Variants in MR1 observed in about 807,000 individuals in gnomAD.
MR1 encodes major histocompatibility complex class I-related protein 1.
A neutral mutation model predicts 37.8 loss-of-function variants in MR1; 44 were observed. The ratio of observed to expected loss-of-function variants is 1.16; its 90% CI spans 0.91 to 1.50. MR1 has a LOEUF of 1.50. MR1 is among the 40% of genes most tolerant of loss of function. The probability of loss-of-function intolerance (pLI) is 0.00; values close to 1 mark genes in which losing one functional copy is unlikely to be tolerated. For missense variants in MR1, 386 were observed against 419.1 expected (o/e 0.92, Z 0.69); for synonymous variants, 153 against 155.8 (o/e 0.98, Z 0.13).
At chr1:181,043,693 CCT>C (rs1657692557) in intron 1 of MR1, among the ~76,000 whole-genome samples, 1 of 152,064 alleles carries the variant, frequency 6.6e-6, no homozygotes, top group Non-Finnish European at 1.5e-5. Flanking sequence ...AGAGTAAAAC[CCT>C]GTCATACACA....
At chr1:181,036,833 C>T (rs1355308450) in intron 1 of MR1, among the ~76,000 whole-genome samples, 1 of 152,160 alleles carries the variant, frequency 6.6e-6, no homozygotes, top group Non-Finnish European at 1.5e-5. Context: ...AATTTATGTT[C>T]GGAGGTAATG....
chr1:181,050,325 A>G (rs202025347), intron 3 of MR1, 39 bp downstream of exon 3: 8 of 1,612,490 alleles, frequency 5.0e-6, no homozygotes, highest in Non-Finnish European at 5.9e-6. Flanking sequence ...ACATTGCCTG[A>G]ACAACTGTTT....
At chr1:181,054,175 G>A (rs1000140141) in intron 5 of MR1, among the ~76,000 whole-genome samples, 3 of 152,200 alleles carry the variant, frequency 2.0e-5, no homozygotes, top group Non-Finnish European at 4.4e-5. Flanking sequence ...GGGACTTAGA[G>A]TAAGGAAAAG....
At chr1:181,036,898 TAAC>T (rs1324901827) in intron 1 of MR1, 1 of 152,198 alleles carries the variant, frequency 6.6e-6, no homozygotes, top group Non-Finnish European at 1.5e-5. Context: ...CGGGCAGTAA[TAAC>T]GACTGCAAAT....
intron 1 of MR1, among the ~76,000 whole-genome samples, chr1:181,046,023 A>C (rs1463171265): frequency 6.6e-6 from 1 of 152,200 alleles, no homozygotes; most frequent in African/African-American, 2.4e-5. Context: ...CCAGCCCACC[A>C]GCGCTGCAGC....
chr1:181,055,093 TA>T, intron 5 of MR1, 131 bp from the exon 6 acceptor site: 1 of 780,086 alleles, frequency 1.3e-6, no homozygotes, highest in South Asian at 1.6e-5. Flanking sequence ...TGTCAAGTAC[TA>T]AGAGAATCTT....
rs149433107 is a variant in MR1 at position 181,052,237 on chromosome 1, C to T, written c.607C>T (p.Pro203Ser). 4,480 of 1,613,020 alleles carry T rather than the reference C, an allele frequency of 2.8e-3. 11 individuals carry two copies. Among genetic ancestry groups the T allele is most frequent in the Non-Finnish European group, 3.5e-3 (4,069 of 1,179,206 alleles). ...TAACTTTAGCTTCTTCTTCCTAGAG[C>T]CCCCACTGGTCAGAGTAAATCGCAA... ...YGKDTLQRTEPPLVRVNRKET... is the reference protein window; with the variant it reads ...YGKDTLQRTESPLVRVNRKET... The change falls in exon 4 of 6, where the codon CCC becomes TCC. Residue 203 changes from proline (P) to serine (S), a missense_variant and splice_region_variant. Physicochemically the swap from Pro to Ser is moderately conservative, Grantham distance 74. Transcript: ENST00000367580.
Position 181,060,315 on chromosome 1 carries a change from A to G in MR1, c.*5050A>G, listed in dbSNP as rs1376249145. The G allele has an allele frequency of 1.3e-5, 2 of 152,092 alleles. No homozygotes were observed. Among genetic ancestry groups the G allele is most frequent in the Non-Finnish European group, 2.9e-5 (2 of 68,006 alleles). The allele number at this position is 152,092 out of a possible 1,614,324, so 9.4% of individuals were successfully genotyped here. A position where few individuals can be genotyped will look rare whatever the true frequency, so the allele number is the denominator to read the frequency against. ...ACCTTCCCAAATTACATCTGCAACA[A>G]CCCTATTTCCAAAGAAGGCCACATT... On this transcript the variant is annotated 3_prime_UTR_variant, in exon 6 of 6. Transcript: ENST00000367580.
intron 5 of MR1, among the ~76,000 whole-genome samples, chr1:181,054,285 T>C (rs1275902989): frequency 6.6e-6 from 1 of 152,178 alleles, no homozygotes; most frequent in Non-Finnish European, 1.5e-5. Flanking sequence ...CCAGGCACTG[T>C]ACTGGTTGCT....
chr1:181,041,081 C>CAATAGATA (rs1657527356), intron 1 of MR1, among the ~76,000 whole-genome samples: 1 of 146,470 alleles, frequency 6.8e-6, no homozygotes, highest in Non-Finnish European at 1.5e-5. Context: ...GACTCTGTCT[C>CAATAGATA]AATAAATAAA....
chr1:181,050,151 G>A lies in MR1; in HGVS notation c.469G>A (p.Val157Met), dbSNP rs1378333864. 3 of 1,614,122 alleles carry A rather than the reference G, an allele frequency of 1.9e-6. No homozygotes were observed. Among genetic ancestry groups the A allele is most frequent in the Admixed American group, 1.7e-5 (1 of 60,012 alleles). ...DTLSWLAVDN[V>M]AHTIKQAWEA... ...CCTCTCCTGGCTGGCTGTAGATAAT[G>A]TGGCTCACACCATCAAGCAGGCATG... is the stretch of plus-strand genomic sequence containing the variant. Residue 157 changes from valine to methionine, a missense_variant, in exon 3 of 6, where the codon GTG becomes ATG. By Grantham distance (21) the Val-to-Met change is conservative. Transcript: ENST00000367580.
rs1479513332 is a variant in MR1 at position 181,061,435 on chromosome 1, G to A, written c.*6170G>A. The A allele has an allele frequency of 6.6e-6, 1 of 152,104 alleles. No individual in the cohort carries two copies. The highest frequency in any genetic ancestry group is 1.5e-5 in the Non-Finnish European group (1 of 68,022). 9.4% of individuals were successfully genotyped at this position (152,104 alleles called of 1,614,324 possible). On this transcript the variant is annotated 3_prime_UTR_variant, in exon 6 of 6. Transcript: ENST00000367580. Reference sequence around the variant, plus strand: ...GGGCACAAGCCTACATGGTGGCTCTGGTCATATCATTAGAAAATAGACAGA... The same window carrying A: ...GGGCACAAGCCTACATGGTGGCTCTAGTCATATCATTAGAAAATAGACAGA...
chr1:181,054,500 G>A (rs1658496957), intron 5 of MR1, among the ~76,000 whole-genome samples: 1 of 152,146 alleles, frequency 6.6e-6, no homozygotes, highest in Admixed American at 6.6e-5. Flanking sequence ...CAATTCAGGT[G>A]ATAACTGTAC....
At chr1:181,045,759 G>A (rs987968219) in intron 1 of MR1, among the ~76,000 whole-genome samples, 1 of 152,206 alleles carries the variant, frequency 6.6e-6, no homozygotes, top group Non-Finnish European at 1.5e-5. Flanking sequence ...TCAGCCCACC[G>A]CTGCACTGTG....
In MR1 at chr1:181,049,181, A is replaced by C. The variant is rs1439233066; in HGVS notation, c.197A>C (p.Glu66Ala). 1 of 1,614,204 alleles carries C rather than the reference A, an allele frequency of 6.2e-7. No individual in the cohort carries two copies. The highest frequency in any genetic ancestry group is 8.5e-7 in the Non-Finnish European group (1 of 1,180,040). The change falls in exon 2 of 6, where the codon GAG (glutamate) becomes GCG (alanine). Residue 66 changes from glutamate to alanine, a missense_variant. Transcript: ENST00000367580. Reference sequence around the variant, plus strand: ...TATGACAGTGTCACTCGGCAGAAGGAGCCACGGGCCCCATGGATGGCAGAG... The same window carrying C: ...TATGACAGTGTCACTCGGCAGAAGGCGCCACGGGCCCCATGGATGGCAGAG... ...TTYDSVTRQK[E>A]PRAPWMAENL... is the part of the protein sequence containing the mutation.
At chr1:181,050,497 A>G (rs1658251294) in intron 3 of MR1, 1 of 596,384 alleles carries the variant, frequency 1.7e-6, no homozygotes, top group African/African-American at 1.9e-5. Flanking sequence ...TTGTCTTGAC[A>G]GAGTGGAGTA....
rs762295481 is a variant in MR1, at chr1:181,052,341, G to A, written c.711G>A (p.Met237Ile). ...CCCCAGAAATTTACATGACATGGAT[G>A]AAAAACGGGGAAGAAATTGTCCAAG... ...FYPPEIYMTW[M>I]KNGEEIVQEI... Residue 237 changes from methionine (M) to isoleucine (I), a missense_variant, in exon 4 of 6, where the codon ATG becomes ATA. Met to Ile is a conservative substitution (Grantham distance 10, BLOSUM62 1). Transcript: ENST00000367580. The A allele has an allele frequency of 2.2e-5, 36 of 1,614,080 alleles. No homozygotes were observed. The highest frequency in any genetic ancestry group is 2.8e-5 in the Non-Finnish European group (33 of 1,180,044).
In MR1 at chr1:181,034,065, A is replaced by G. The variant is rs757463971; in HGVS notation, c.58A>G (p.Ser20Gly). Reference sequence around the variant, plus strand: ...CATCATTGTGTTAATGGTGAAGCACAGCGATTCCCGTGAGTATCCCACGTC... The same window carrying G: ...CATCATTGTGTTAATGGTGAAGCACGGCGATTCCCGTGAGTATCCCACGTC... ...PLIIVLMVKH[S>G]DSRTHSLRYF... is the part of the protein sequence containing the mutation. Residue 20 changes from serine to glycine, a missense_variant, in exon 1 of 6, where the codon AGC becomes GGC. Physicochemically the swap from Ser to Gly is moderately conservative, Grantham distance 56. Transcript: ENST00000367580. 1.9e-6 allele frequency: 3 copies of G among 1,613,290 alleles called. No homozygotes were observed. The highest frequency in any genetic ancestry group is 1.3e-5 in the African/African-American group (1 of 74,892).
At chr1:181,049,527 C>A in intron 2 of MR1, 1 of 601,308 alleles carries the variant, frequency 1.7e-6, no homozygotes, top group Non-Finnish European at 2.9e-6. Flanking sequence ...TTTGCCCCAC[C>A]CACTCTTCCC....
Sources: gnomAD v4.1 joint callset for allele counts (sites outside exome capture counted in the v4.1 genomes callset) on GRCh38, gnomAD v4.1.1 for gene constraint, MANE v1.5 for transcripts, NCBI Gene and HGNC (gene_info 2026-07-23, HGNC 2026-07-21) for gene names.